Variants in DNMT3A observed in about 807,000 individuals in gnomAD.
DNMT3A encodes DNA methyltransferase 3 alpha.
DNMT3A carries 267 observed loss-of-function variants against 117.6 expected under a neutral mutation model. The ratio of observed to expected loss-of-function variants is 2.27; its 90% CI spans 2.05 to 2.51. DNMT3A has a LOEUF of 2.51. Among genes scored for constraint, DNMT3A ranks in the 30% most tolerant of loss-of-function variants. The pLI is 0.00. For synonymous variants in DNMT3A, 432 were observed against 474.8 expected, an observed-to-expected ratio of 0.91 and a Z score of 1.17; for missense variants, 1,029 against 1,260.2, an observed-to-expected ratio of 0.82 and a Z score of 2.78.
rs1425296674 is a variant in DNMT3A, at chr2:25,294,374, G to A, written c.177+5765C>T. ...TACCTCACAAGCAGTGTGTCGGCCT[G>A]TCTTCCTCATGCCTTCCAAAACATG... On this transcript the variant is annotated intron_variant, in intron 3 of 22. Coordinates refer to ENST00000321117, the MANE Select transcript of DNMT3A (RefSeq NM_022552.5). This position sits in a 1 kb window ranked among gnomAD's most constrained non-coding sequence, Gnocchi z 4.7. Among the ~76,000 whole-genome samples, 1 of 152,146 alleles carries A rather than the reference G, an allele frequency of 6.6e-6. No homozygotes were observed. The highest frequency in any genetic ancestry group is 1.5e-5 in the Non-Finnish European group (1 of 68,038).
At chr2:25,272,878 C>T (rs868010530) in intron 6 of DNMT3A, among the ~76,000 whole-genome samples, 5 of 149,372 alleles carry the variant, frequency 3.3e-5, no homozygotes, top group Admixed American at 6.7e-5. Context: ...CTCGCCTCAC[C>T]GCAACCTCCA....
Position 25,230,597 on chromosome 2 carries a change from AG to A in DNMT3A, c.*3681del, listed in dbSNP as rs1486560878. The stretch of plus-strand genomic sequence containing the variant: ...CTCTGCCTTATCTACAGCCTGCTGA[AG>A]TTCAGCACCCCTTGGAAGGTGACCC... On this transcript the variant is annotated 3_prime_UTR_variant, in exon 23 of 23. Transcript: ENST00000321117. 1 of 152,348 alleles carries A rather than the reference AG, an allele frequency of 6.6e-6. No homozygotes were observed. Among genetic ancestry groups the A allele is most frequent in the Non-Finnish European group, 1.5e-5 (1 of 68,174 alleles). The allele number at this position is 152,348 out of a possible 1,614,324, so 9.4% of individuals were successfully genotyped here.
chr2:25,332,854 C>A (rs1445911117), intron 1 of DNMT3A, among the ~76,000 whole-genome samples: 1 of 152,238 alleles, frequency 6.6e-6, no homozygotes, highest in Non-Finnish European at 1.5e-5. Flanking sequence ...CATTAGGAGC[C>A]CTTGCTGCGT....
intron 1 of DNMT3A, among the ~76,000 whole-genome samples, chr2:25,319,221 A>T (rs1196774716): frequency 6.6e-6 from 1 of 151,720 alleles, no homozygotes; most frequent in Non-Finnish European, 1.5e-5. Flanking sequence ...TCACCATGTT[A>T]GCCAGGATGG....
At position 25,266,394 on chromosome 2, in the gene DNMT3A, G is replaced by A. The variant is rs911694443; in HGVS notation, c.639+8547C>T. Among the ~76,000 whole-genome samples, 18 of 152,288 alleles carry A rather than the reference G, an allele frequency of 1.2e-4. 1 individual carries two copies. The highest frequency in any genetic ancestry group is 4.3e-4 in the African/African-American group (18 of 41,558). ...ACAGTTGGCTAATAATTTGTTTTGA[G>A]CCTTTACTGGTCTACTTTGCACTTC... On this transcript the variant is annotated intron_variant, in intron 6 of 22. Transcript: ENST00000321117.
intron 1 of DNMT3A, chr2:25,314,506 C>T (rs2034287124): frequency 2.0e-6 from 2 of 985,332 alleles, no homozygotes; most frequent in Admixed American, 1.2e-4. Context: ...CCACCCCAAC[C>T]AGCCCCTGGG....
Position 25,278,908 on chromosome 2 carries a change from A to G in DNMT3A, c.449-3365T>C, listed in dbSNP as rs1366850284. ...CAGAGCTTCTGAAACTTTCATATAC[A>G]TGGGAAGCATGAGGCCCTCTTTAAA... On this transcript the variant is annotated intron_variant, in intron 4 of 22. Coordinates refer to ENST00000321117, the MANE Select transcript of DNMT3A (RefSeq NM_022552.5). Among the ~76,000 whole-genome samples, 3 of 152,124 alleles carry G rather than the reference A, an allele frequency of 2.0e-5. No individual in the cohort carries two copies. In the East Asian group the frequency reaches 5.8e-4, roughly 29 times the overall value.
intron 6 of DNMT3A, among the ~76,000 whole-genome samples, chr2:25,270,943 G>A (rs1354034783): frequency 6.8e-6 from 1 of 147,524 alleles, no homozygotes; most frequent in African/African-American, 2.5e-5. Context: ...AGAATCGCTT[G>A]AACCTGGGAG....
At position 25,230,944 on chromosome 2, in the gene DNMT3A, G is replaced by A. The variant is rs1672847268; in HGVS notation, c.*3335C>T. 1 of 152,270 alleles carries A rather than the reference G, an allele frequency of 6.6e-6. No individual in the cohort carries two copies. The highest frequency in any genetic ancestry group is 2.1e-4 in the South Asian group (1 of 4,830). 9.4% of individuals were successfully genotyped at this position (152,270 alleles called of 1,614,324 possible). A position where few individuals can be genotyped will look rare whatever the true frequency, so the allele number is the denominator to read the frequency against. On this transcript the variant is annotated 3_prime_UTR_variant, in exon 23 of 23. Transcript: ENST00000321117. ...CCCTCCTCGAGCAAGCCGGCCCACAGGAATCCCCCAGGCTTGCCATGCCCT... is the reference window on the plus strand; with the variant it reads ...CCCTCCTCGAGCAAGCCGGCCCACAAGAATCCCCCAGGCTTGCCATGCCCT...
At chr2:25,314,203 C>T (rs1235183136) in intron 1 of DNMT3A, 42 bp from the exon 2 acceptor site, 1 of 1,402,852 alleles carries the variant, frequency 7.1e-7, no homozygotes, top group Admixed American at 3.2e-5. Context: ...GAGCACCCCA[C>T]CCTCCCTGGG....
intron 16 of DNMT3A, among the ~76,000 whole-genome samples, chr2:25,242,412 C>G (rs1201628593): frequency 6.6e-6 from 1 of 152,148 alleles, no homozygotes; most frequent in African/African-American, 2.4e-5. Context: ...TCGGGAGAAA[C>G]AGGGTACGGC....
At position 25,294,080 on chromosome 2, in the gene DNMT3A, C is replaced by T. The variant is rs1394352658; in HGVS notation, c.177+6059G>A. 6.6e-6 allele frequency among the ~76,000 whole-genome samples: 1 copy of T among 152,208 alleles called. No individual in the cohort carries two copies. The highest frequency in any genetic ancestry group is 6.5e-5 in the Admixed American group (1 of 15,282). ...ACACTCACCCTGCCCTGCATGCCTT[C>T]CTTCCTCCACACCCAGCTCAGCTGG... On this transcript the variant is annotated intron_variant, in intron 3 of 22. Transcript: ENST00000321117. The surrounding 1 kb of genome is among the most constrained non-coding windows in gnomAD (Gnocchi z 4.7).
In DNMT3A at chr2:25,304,478, C is replaced by T. The variant is rs1258234900; in HGVS notation, c.73-4235G>A. Among the ~76,000 whole-genome samples the T allele has an allele frequency of 2.0e-5, 3 of 152,204 alleles. No individual in the cohort carries two copies. Among genetic ancestry groups the T allele is most frequent in the South Asian group, 2.1e-4 (1 of 4,828 alleles). On this transcript the variant is annotated intron_variant, in intron 2 of 22. Transcript: ENST00000321117. The surrounding 1 kb of genome is among the most constrained non-coding windows in gnomAD (Gnocchi z 4.3). The stretch of plus-strand genomic sequence containing the variant: ...TCCCTGCCTCGTGCAAATCCCAGCA[C>T]GCCGCCCACCATATGCAGCGATCCC...
chr2:25,246,529 T>C (rs1324735190), intron 10 of DNMT3A, 91 bp downstream of exon 10: 4 of 1,529,228 alleles, frequency 2.6e-6, no homozygotes, highest in African/African-American at 1.4e-5. Flanking sequence ...TGTGGAGGCC[T>C]TGGCAGCCCT....
At chr2:25,279,906 G>C (rs2031760183) in intron 4 of DNMT3A, among the ~76,000 whole-genome samples, 1 of 152,058 alleles carries the variant, frequency 6.6e-6, no homozygotes, top group Non-Finnish European at 1.5e-5. Flanking sequence ...GGCCCGGCTG[G>C]TCTCGAACTC....
chr2:25,290,551 A>G (rs1355505832), intron 3 of DNMT3A, among the ~76,000 whole-genome samples: 2 of 152,064 alleles, frequency 1.3e-5, no homozygotes, highest in South Asian at 2.1e-4. Context: ...CGAACTCCCA[A>G]CCTCAGGTAA....
intron 2 of DNMT3A, among the ~76,000 whole-genome samples, chr2:25,310,711 T>G (rs2034066072): frequency 6.6e-6 from 1 of 152,148 alleles, no homozygotes; most frequent in Non-Finnish European, 1.5e-5. Flanking sequence ...GGGATTCACA[T>G]GGAAGAAAAG....
chr2:25,239,297 A>C, intron 19 of DNMT3A, 82 bp from the exon 20 acceptor site: 1 of 1,193,246 alleles, frequency 8.4e-7, no homozygotes. Context: ...CGAGCCTTAA[A>C]GCCTCAAAGC....
intron 1 of DNMT3A, chr2:25,328,691 C>T (rs986281767): frequency 5.8e-6 from 3 of 521,162 alleles, no homozygotes; most frequent in South Asian, 1.5e-5. Flanking sequence ...CAGCACAGTG[C>T]TGCGGTGCCT....
Sources: allele counts gnomAD v4.1 joint callset (sites outside exome capture counted in the v4.1 genomes callset), GRCh38; gene constraint gnomAD v4.1.1; non-coding constraint Gnocchi (gnomAD v3.1); transcripts MANE v1.5; gene names NCBI Gene and HGNC (gene_info 2026-07-23, HGNC 2026-07-21).